ACSS3: variants seen among roughly 807,000 people sequenced by gnomAD.
The protein encoded by ACSS3 is acyl-CoA synthetase short chain family member 3.
Under a neutral mutation model 84.2 loss-of-function variants are expected in ACSS3, and 64 were observed. The observed-to-expected ratio is 0.76, with a 90% CI of 0.62 to 0.94. ACSS3 has a LOEUF of 0.94. Among genes scored for constraint, ACSS3 ranks in the 40% least tolerant of loss-of-function variants. The probability of loss-of-function intolerance (pLI) is 0.00; values close to 1 mark genes in which losing one functional copy is unlikely to be tolerated. For synonymous variants in ACSS3, 317 were observed against 310.1 expected (o/e 1.02, Z -0.23); for missense variants, 815 against 867.6 (o/e 0.94, Z 0.76).
chr12:81,247,413 C>T (rs993151968), intron 13 of ACSS3, among the ~76,000 whole-genome samples: 2 of 152,050 alleles, frequency 1.3e-5, no homozygotes, highest in African/African-American at 2.4e-5. Flanking sequence ...AAATCCTTCT[C>T]ACTGTATGTA....
chr12:81,191,772 CTG>C, intron 8 of ACSS3, among the ~76,000 whole-genome samples: 1 of 151,950 alleles, frequency 6.6e-6, no homozygotes, highest in Non-Finnish European at 1.5e-5. Context: ...TTCACAGGCT[CTG>C]TTTGATGATT....
At chr12:81,217,310 G>A (rs2032956560) in intron 10 of ACSS3, among the ~76,000 whole-genome samples, 1 of 152,096 alleles carries the variant, frequency 6.6e-6, no homozygotes, top group Admixed American at 6.6e-5. Context: ...TTCATTTCAT[G>A]CTGAAGTATA....
At chr12:81,172,504 C>T (rs1254141262) in intron 7 of ACSS3, among the ~76,000 whole-genome samples, 5 of 150,998 alleles carry the variant, frequency 3.3e-5, no homozygotes, top group African/African-American at 1.2e-4. Flanking sequence ...GTCTTTCTGG[C>T]GTGCACCTGT....
At chr12:81,199,608 T>C (rs1702707206) in intron 9 of ACSS3, 164 bp downstream of exon 9, 13 of 1,493,188 alleles carry the variant, frequency 8.7e-6, no homozygotes, top group South Asian at 1.2e-5. Flanking sequence ...TGTTGTGTTA[T>C]TAATAATGTC....
chr12:81,189,274 G>A lies in ACSS3; in HGVS notation c.1251-10067G>A, dbSNP rs368406802. Among the ~76,000 whole-genome samples the A allele has an allele frequency of 7.6e-4, 116 of 152,282 alleles. 1 individual carries two copies. The highest frequency in any genetic ancestry group is 2.7e-3 in the African/African-American group (112 of 41,560). ...GTATAATGGTTACATTACAGAGTAT[G>A]TCAAACAGTTTTCCAAGGTTATTCA... On this transcript the variant is annotated intron_variant, in intron 8 of 15. Transcript: ENST00000548058.
chr12:81,165,764 C>T (rs1887373518), intron 7 of ACSS3, among the ~76,000 whole-genome samples: 1 of 152,164 alleles, frequency 6.6e-6, no homozygotes, highest in Non-Finnish European at 1.5e-5. Flanking sequence ...ATGGTGTCAT[C>T]ACCTATGATA....
At chr12:81,170,275 G>A (rs1016988294) in intron 7 of ACSS3, among the ~76,000 whole-genome samples, 1 of 152,024 alleles carries the variant, frequency 6.6e-6, no homozygotes, top group Non-Finnish European at 1.5e-5. Flanking sequence ...TCTGACTGGG[G>A]CCTTGTCATC....
intron 4 of ACSS3, among the ~76,000 whole-genome samples, chr12:81,140,588 T>C (rs1343711157): frequency 6.6e-6 from 1 of 152,222 alleles, no homozygotes; most frequent in Non-Finnish European, 1.5e-5. Context: ...GTTTTAGTAG[T>C]CTGTGGTTCA....
intron 1 of ACSS3, among the ~76,000 whole-genome samples, chr12:81,084,300 G>C (rs1342192774): frequency 6.6e-6 from 1 of 152,156 alleles, no homozygotes; most frequent in African/African-American, 2.4e-5. Context: ...GAGGGATATT[G>C]GGAAACATGG....
rs1211988806 is a variant in ACSS3 at position 81,214,008 on chromosome 12, ATCTG to A, written c.1355-2881_1355-2878del. 2.4e-4 allele frequency among the ~76,000 whole-genome samples: 7 copies of A among 28,690 alleles called. No homozygotes were observed. In the Admixed American group the frequency reaches 2.6e-3, roughly 11 times the overall value. 18.8% of individuals were successfully genotyped at this position (28,690 alleles called of 152,430 possible). ...CTTTCTTTCTTTCTTTCTTTCTTTC[ATCTG>A]TCTGTCTGTCTTTCTTTCTTTCTGT... On this transcript the variant is annotated intron_variant, in intron 9 of 15. Coordinates refer to ENST00000548058, the MANE Select transcript of ACSS3 (RefSeq NM_024560.4).
intron 9 of ACSS3, chr12:81,199,759 ATTCC>A: frequency 9.0e-7 from 1 of 1,110,760 alleles, no homozygotes; most frequent in South Asian, 1.3e-5. Flanking sequence ...TGTTGGGTTC[ATTCC>A]ACCTTCAGTA....
chr12:81,205,642 CT>C (rs1052638771), intron 9 of ACSS3, among the ~76,000 whole-genome samples: 1 of 151,964 alleles, frequency 6.6e-6, no homozygotes, highest in African/African-American at 2.4e-5. Context: ...GTCTAAGTCA[CT>C]TTTTTTTCCG....
chr12:81,210,764 G>A (rs944954889), intron 9 of ACSS3, among the ~76,000 whole-genome samples: 2 of 152,108 alleles, frequency 1.3e-5, no homozygotes, highest in Admixed American at 1.3e-4. Flanking sequence ...TAGGTATACC[G>A]TAGTTCTTGA....
Position 81,151,659 on chromosome 12 carries a change from TTTGTG to T in ACSS3, c.922-181_922-177del, listed in dbSNP as rs1375730541. 39 of 506,136 alleles carry T rather than the reference TTTGTG, an allele frequency of 7.7e-5. 1 individual carries two copies. The East Asian group carries it at 1.3e-3, about 16-fold the overall frequency. The allele number at this position is 506,136 out of a possible 1,614,324, so 31.4% of individuals were successfully genotyped here. A position where few individuals can be genotyped will look rare whatever the true frequency, so the allele number is the denominator to read the frequency against. ...AATGGCACTAATGAGGACAAATTAT[TTTGTG>T]TTGACTATTGAAGGACCCAAAGAAA... On this transcript the variant is annotated intron_variant, in intron 5 of 15. Transcript: ENST00000548058.
chr12:81,144,505 C>T (rs1886233045), intron 5 of ACSS3, among the ~76,000 whole-genome samples: 1 of 152,084 alleles, frequency 6.6e-6, no homozygotes, highest in Non-Finnish European at 1.5e-5. Context: ...TCCAGTTCTG[C>T]CTTGCACACT....
At chr12:81,226,525 T>A (rs1264302859) in intron 11 of ACSS3, among the ~76,000 whole-genome samples, 1 of 151,908 alleles carries the variant, frequency 6.6e-6, no homozygotes, top group East Asian at 1.9e-4. Context: ...ATTGACATAT[T>A]ACTTGATAAC....
intron 15 of ACSS3, 152 bp downstream of exon 15, chr12:81,253,822 A>G (rs2034224644): frequency 1.3e-6 from 1 of 771,116 alleles, no homozygotes; most frequent in Non-Finnish European, 2.0e-6. Flanking sequence ...GGGAGAGATT[A>G]TATAGCCATT....
intron 1 of ACSS3, among the ~76,000 whole-genome samples, chr12:81,088,519 C>T (rs1304951697): frequency 2.0e-5 from 3 of 151,950 alleles, no homozygotes; most frequent in African/African-American, 7.2e-5. Context: ...TTTATTGTCT[C>T]CATAGTATGC....
intron 11 of ACSS3, among the ~76,000 whole-genome samples, chr12:81,220,953 G>A (rs1218428581): frequency 6.6e-6 from 1 of 151,980 alleles, no homozygotes. Flanking sequence ...GTATTGAAGA[G>A]ATTTCTGGAA....
Sources: allele counts gnomAD v4.1 joint callset (sites outside exome capture counted in the v4.1 genomes callset), GRCh38; gene constraint gnomAD v4.1.1; transcripts MANE v1.5; gene names NCBI Gene and HGNC (gene_info 2026-07-23, HGNC 2026-07-21).